Variants in MYO3B observed in about 807,000 individuals in gnomAD.
MYO3B encodes the protein myosin-IIIb.
In MYO3B, 156 loss-of-function variants were observed where a neutral mutation model predicts 174.6. The observed-to-expected ratio is 0.89, with a 90% CI of 0.78 to 1.02. MYO3B has a LOEUF of 1.02. MYO3B is among the 50% of genes least tolerant of loss of function. MYO3B has a pLI of 0.00. For synonymous variants in MYO3B, 563 were observed against 569.1 expected, an observed-to-expected ratio of 0.99 and a Z score of 0.15; for missense variants, 1,632 against 1,639.4, an observed-to-expected ratio of 1.00 and a Z score of 0.08.
intron 3 of MYO3B, among the ~76,000 whole-genome samples, chr2:170,203,495 CGG>C (rs1559296726): frequency 5.8e-4 from 2 of 3,476 alleles, no homozygotes; most frequent in Admixed American, 4.2e-3. Flanking sequence ...CAAAAGGGGG[CGG>C]CGGGGGGGGG....
chr2:170,416,093 A>G (rs1305437360), intron 22 of MYO3B, among the ~76,000 whole-genome samples: 2 of 152,196 alleles, frequency 1.3e-5, no homozygotes, highest in African/African-American at 2.4e-5. Context: ...CTGAACACAG[A>G]GACACGCACC....
intron 32 of MYO3B, among the ~76,000 whole-genome samples, chr2:170,560,930 A>G (rs1371723855): frequency 1.3e-5 from 2 of 152,234 alleles, no homozygotes; most frequent in Non-Finnish European, 2.9e-5. Flanking sequence ...TCCGAGGGTC[A>G]GATTACAAAG....
rs10715918 is a variant in MYO3B, at chr2:170,486,299, C to CTT, written c.3015-12272_3015-12271dup. The stretch of plus-strand genomic sequence containing the variant: ...TATTTTAAAAATCACAGAATCCATT[C>CTT]TTTTTTTTTTTTTTTTTTTTTTGAG... On this transcript the variant is annotated intron_variant, in intron 25 of 34. Transcript: ENST00000408978. Among the ~76,000 whole-genome samples, 506 of 99,160 alleles carry CTT rather than the reference C, an allele frequency of 5.1e-3. 1 individual carries two copies. The highest frequency in any genetic ancestry group is 7.8e-3 in the African/African-American group (194 of 24,722). 65.1% of individuals were successfully genotyped at this position (99,160 alleles called of 152,430 possible). A position where few individuals can be genotyped will look rare whatever the true frequency, so the allele number is the denominator to read the frequency against.
At position 170,473,139 on chromosome 2, in the gene MYO3B, C is replaced by CTTTT. The variant is rs66837903; in HGVS notation, c.3014+6446_3014+6449dup. ...TTCTTTTTCTTTTTCTTTTTCTTTT[C>CTTTT]TTTTTTTTTTTTTTTTTTTTTGAGA... On this transcript the variant is annotated intron_variant, in intron 25 of 34. Coordinates refer to ENST00000408978, the MANE Select transcript of MYO3B (RefSeq NM_138995.5). Among the ~76,000 whole-genome samples, 211 of 96,446 alleles carry CTTTT rather than the reference C, an allele frequency of 2.2e-3. 1 individual carries two copies. The highest frequency in any genetic ancestry group is 2.6e-3 in the Non-Finnish European group (120 of 46,984). 63.3% of individuals were successfully genotyped at this position (96,446 alleles called of 152,430 possible). A position where few individuals can be genotyped will look rare whatever the true frequency, so the allele number is the denominator to read the frequency against.
rs1255777533 is a variant in MYO3B at position 170,514,919 on chromosome 2, A to G, written c.3371-2A>G. Reference sequence around the variant, plus strand: ...AGAAAGTCTTTTTGTTTCATTCCACAGGGGACACTTCAAACCAAAGCAGTG... The same window carrying G: ...AGAAAGTCTTTTTGTTTCATTCCACGGGGGACACTTCAAACCAAAGCAGTG... On this transcript the variant is annotated splice_acceptor_variant, in intron 28 of 34. Coordinates refer to ENST00000408978, the MANE Select transcript of MYO3B (RefSeq NM_138995.5). LOFTEE classifies it high-confidence loss of function. 6.2e-7 allele frequency: 1 copy of G among 1,613,164 alleles called. No individual in the cohort carries two copies. Among genetic ancestry groups the G allele is most frequent in the Non-Finnish European group, 8.5e-7 (1 of 1,179,424 alleles).
At chr2:170,419,534 G>A (rs2094602061) in intron 22 of MYO3B, among the ~76,000 whole-genome samples, 1 of 152,168 alleles carries the variant, frequency 6.6e-6, no homozygotes, top group African/African-American at 2.4e-5. Context: ...GGTTATTAGG[G>A]CTCCAACATG....
rs2093622501 is a variant in MYO3B, at chr2:170,295,319, GA to G, written c.750-40065del. ...CCATTTAATTTTATTTTCTATTTATGATCCTTTTCTTTTTGTGTATATTCTA... is the reference window on the plus strand; with the variant it reads ...CCATTTAATTTTATTTTCTATTTATGTCCTTTTCTTTTTGTGTATATTCTA... On this transcript the variant is annotated intron_variant, in intron 7 of 34. Transcript: ENST00000408978. Among the ~76,000 whole-genome samples the G allele has an allele frequency of 2.6e-5, 4 of 151,566 alleles. No homozygotes were observed. The South Asian group carries it at 8.3e-4, about 32-fold the overall frequency.
Position 170,498,469 on chromosome 2 carries a change from A to G in MYO3B, c.3015-123A>G, listed in dbSNP as rs117545990. ...TGTATCTTTTACTACCTACTATGCT[A>G]TTATTGGTGCTCGACAAATATTTAC... On this transcript the variant is annotated intron_variant, in intron 25 of 34. Coordinates refer to ENST00000408978, the MANE Select transcript of MYO3B (RefSeq NM_138995.5). 1,070 of 660,172 alleles carry G rather than the reference A, an allele frequency of 1.6e-3. 14 individuals carry two copies. In the East Asian group the frequency reaches 0.026, roughly 16 times the overall value. The allele number at this position is 660,172 out of a possible 1,614,324, so 40.9% of individuals were successfully genotyped here.
intron 32 of MYO3B, among the ~76,000 whole-genome samples, chr2:170,609,290 ACACT>A (rs1398729122): frequency 1.3e-5 from 2 of 152,176 alleles, no homozygotes; most frequent in African/African-American, 2.4e-5. Flanking sequence ...ACAAATATAC[ACACT>A]CACACATATA....
chr2:170,526,154 G>A (rs74696906), intron 30 of MYO3B, among the ~76,000 whole-genome samples: 5,966 of 152,194 alleles, frequency 0.039, 184 homozygotes, highest in Non-Finnish European at 0.058. Flanking sequence ...AATTACTTAC[G>A]AGCTATGAGA....
At chr2:170,377,489 T>C (rs2094303279) in intron 9 of MYO3B, among the ~76,000 whole-genome samples, 1 of 152,182 alleles carries the variant, frequency 6.6e-6, no homozygotes, top group African/African-American at 2.4e-5. Context: ...TTGGACTTGA[T>C]GGTACAGACT....
chr2:170,433,717 G>T (rs1263769480), intron 22 of MYO3B, among the ~76,000 whole-genome samples: 1 of 152,206 alleles, frequency 6.6e-6, no homozygotes, highest in African/African-American at 2.4e-5. Context: ...TCTGACAAAA[G>T]TGATTTCATC....
chr2:170,604,056 G>A (rs1055690013), intron 32 of MYO3B, among the ~76,000 whole-genome samples: 5 of 152,142 alleles, frequency 3.3e-5, no homozygotes, highest in African/African-American at 7.2e-5. Flanking sequence ...TATAGCTTAG[G>A]TGTCTGATAG....
At chr2:170,494,170 C>T (rs6716011) in intron 25 of MYO3B, among the ~76,000 whole-genome samples, 41,069 of 152,084 alleles carry the variant, frequency 0.27, 5,824 homozygotes, top group East Asian at 0.44. Flanking sequence ...AATTTAAATG[C>T]AGGAGGATGT....
At chr2:170,515,765 A>C (rs929776267) in intron 29 of MYO3B, among the ~76,000 whole-genome samples, 3 of 152,136 alleles carry the variant, frequency 2.0e-5, no homozygotes, top group Non-Finnish European at 2.9e-5. Context: ...CCCCAGCGCC[A>C]CTGCCCAGTG....
intron 32 of MYO3B, among the ~76,000 whole-genome samples, chr2:170,631,555 C>G (rs1696979233): frequency 1.3e-5 from 2 of 151,612 alleles, no homozygotes; most frequent in South Asian, 2.1e-4. Context: ...GAGAACACCA[C>G]AAAGATAGAT....
intron 22 of MYO3B, among the ~76,000 whole-genome samples, chr2:170,410,592 G>GAAAAAAAAAAAAAAAAAAAAAAAAAAAAA (rs59296953): frequency 2.7e-5 from 3 of 112,528 alleles, no homozygotes; most frequent in African/African-American, 3.4e-5. Context: ...CAAAAAAAAA[G>GAAAAAAAAAAAAAAAAAAAAAAAAAAAAA]AAAAAAAAAA....
At chr2:170,580,712 T>TTA (rs139311800) in intron 32 of MYO3B, among the ~76,000 whole-genome samples, 2,194 of 136,160 alleles carry the variant, frequency 0.016, 55 homozygotes, top group African/African-American at 0.056. Flanking sequence ...CCACAAAACC[T>TTA]TATATATGTG....
At chr2:170,492,955 A>G (rs1242461916) in intron 25 of MYO3B, among the ~76,000 whole-genome samples, 1 of 152,234 alleles carries the variant, frequency 6.6e-6, no homozygotes, top group Non-Finnish European at 1.5e-5. Context: ...CTGTCTTACC[A>G]AAGATTTTTC....
Sources: allele counts gnomAD v4.1 joint callset (sites outside exome capture counted in the v4.1 genomes callset), GRCh38; gene constraint gnomAD v4.1.1; transcripts MANE v1.5; gene names NCBI Gene and HGNC (gene_info 2026-07-23, HGNC 2026-07-21).